Variants in FREM3 observed in about 807,000 individuals in gnomAD.
The protein encoded by FREM3 is FRAS1 related extracellular matrix 3.
FREM3 carries 105 observed loss-of-function variants against 129.1 expected under a neutral mutation model. That is an observed-to-expected ratio of 0.81 (90% CI 0.69 to 0.96). The LOEUF (loss-of-function observed/expected upper bound fraction) is 0.96, where lower values mean the gene tolerates loss of function less well. Ranked by LOEUF, FREM3 falls within the 40% of genes least tolerant of loss-of-function variation. FREM3 has a pLI of 0.00. For synonymous variants in FREM3, 1,014 were observed against 1,044.9 expected (o/e 0.97, Z 0.57); for missense variants, 2,593 against 2,666.3 (o/e 0.97, Z 0.61).
intron 6 of FREM3, among the ~76,000 whole-genome samples, chr4:143,607,005 A>G (rs1261699905): frequency 1.3e-5 from 2 of 152,118 alleles, no homozygotes; most frequent in Non-Finnish European, 2.9e-5. Context: ...TTTAGTCTCT[A>G]GGAAAACTCC....
chr4:143,578,760 A>G (rs1738083058), intron 7 of FREM3, among the ~76,000 whole-genome samples: 1 of 152,246 alleles, frequency 6.6e-6, no homozygotes, highest in Non-Finnish European at 1.5e-5. Context: ...TCTATATAGT[A>G]TAATAACTGG....
At chr4:143,693,087 C>T in intron 2 of FREM3, 26 bp downstream of exon 2, 4 of 1,220,952 alleles carry the variant, frequency 3.3e-6, no homozygotes, top group Non-Finnish European at 4.4e-6. Context: ...ACCATGAATC[C>T]TTTTGAAGGG....
chr4:143,611,436 C>T lies in FREM3; in HGVS notation c.5871G>A (p.Lys1957=). Reference sequence around the variant, plus strand: ...CCTGGCAGGTCTTCTGTGTCTCATTCTTGTCAAAGTGGAGGATGCTGGTGT... The same window carrying T: ...CCTGGCAGGTCTTCTGTGTCTCATTTTTGTCAAAGTGGAGGATGCTGGTGT... ...EDHTSILHFD[K]NETQKTCQVL... Residue 1957 remains lysine (K), a synonymous_variant, in exon 6 of 8, where the codon AAG becomes AAA. Transcript: ENST00000329798. The T allele has an allele frequency of 6.5e-7, 1 of 1,537,196 alleles. No homozygotes were observed. Among genetic ancestry groups the T allele is most frequent in the Non-Finnish European group, 8.7e-7 (1 of 1,146,850 alleles).
At chr4:143,650,270 A>G (rs984858633) in intron 2 of FREM3, among the ~76,000 whole-genome samples, 8 of 152,236 alleles carry the variant, frequency 5.3e-5, no homozygotes, top group Non-Finnish European at 1.2e-4. Context: ...GAAAACCAAT[A>G]GAAGGCACTG....
intron 2 of FREM3, among the ~76,000 whole-genome samples, chr4:143,629,986 A>C (rs575022245): frequency 2.6e-5 from 4 of 152,292 alleles, no homozygotes; most frequent in African/African-American, 9.6e-5. Flanking sequence ...AGAAGGGTTT[A>C]ACAATTAGAG....
rs561094377 is a variant in FREM3 at position 143,634,277 on chromosome 4, G to C, written c.5276-6517C>G. Among the ~76,000 whole-genome samples, 6 of 152,250 alleles carry C rather than the reference G, an allele frequency of 3.9e-5. No individual in the cohort carries two copies. In the South Asian group the frequency reaches 1.0e-3, roughly 26 times the overall value. On this transcript the variant is annotated intron_variant, in intron 2 of 7. Transcript: ENST00000329798. ...TAATTATTATGCAGGGAGTTTCTGA[G>C]AGAGAGGTTTAAAGTTGGGTTTCTG...
At chr4:143,662,849 G>T (rs956851079) in intron 2 of FREM3, among the ~76,000 whole-genome samples, 2 of 151,964 alleles carry the variant, frequency 1.3e-5, no homozygotes, top group East Asian at 1.9e-4. Flanking sequence ...GGCCTTCTTT[G>T]TCTCTTTTGA....
chr4:143,638,363 T>C (rs1402682956), intron 2 of FREM3, among the ~76,000 whole-genome samples: 1 of 152,070 alleles, frequency 6.6e-6, no homozygotes, highest in African/African-American at 2.4e-5. Flanking sequence ...TTTTTGGGAG[T>C]TGAGGCTCCA....
At chr4:143,626,902 T>C (rs576774896) in intron 3 of FREM3, among the ~76,000 whole-genome samples, 27 of 152,292 alleles carry the variant, frequency 1.8e-4, no homozygotes, top group African/African-American at 6.5e-4. Context: ...ATTTGTAAAA[T>C]GAAGACAATA....
At chr4:143,692,505 A>G (rs1288489694) in intron 2 of FREM3, among the ~76,000 whole-genome samples, 1 of 152,114 alleles carries the variant, frequency 6.6e-6, no homozygotes, top group African/African-American at 2.4e-5. Context: ...CTGACCACAT[A>G]ATCATTGAAT....
At chr4:143,684,438 C>T (rs1740317999) in intron 2 of FREM3, among the ~76,000 whole-genome samples, 1 of 152,180 alleles carries the variant, frequency 6.6e-6, no homozygotes, top group Non-Finnish European at 1.5e-5. Context: ...ACAGAAGCCA[C>T]ATCCATAGTA....
At chr4:143,667,940 TAAC>T (rs1026183329) in intron 2 of FREM3, among the ~76,000 whole-genome samples, 3 of 152,326 alleles carry the variant, frequency 2.0e-5, no homozygotes, top group Admixed American at 1.3e-4. Context: ...CTTATAAAAA[TAAC>T]AAATTCCACA....
At chr4:143,660,030 G>A (rs1410028518) in intron 2 of FREM3, among the ~76,000 whole-genome samples, 2 of 148,722 alleles carry the variant, frequency 1.3e-5, no homozygotes, top group Non-Finnish European at 3.0e-5. Flanking sequence ...CATTTTGTAG[G>A]TTGCCTGTTC....
intron 2 of FREM3, among the ~76,000 whole-genome samples, chr4:143,628,388 C>T (rs1739081857): frequency 6.6e-6 from 1 of 152,060 alleles, no homozygotes; most frequent in South Asian, 2.1e-4. Context: ...AAGATCAACC[C>T]AGCCCCTTAT....
intron 2 of FREM3, among the ~76,000 whole-genome samples, chr4:143,664,294 C>T (rs947097925): frequency 1.3e-5 from 2 of 152,124 alleles, no homozygotes; most frequent in African/African-American, 2.4e-5. Flanking sequence ...TGTTAGTTTT[C>T]CTTCTAACAG....
At chr4:143,664,150 G>A (rs947095929) in intron 2 of FREM3, among the ~76,000 whole-genome samples, 2 of 152,138 alleles carry the variant, frequency 1.3e-5, no homozygotes, top group Non-Finnish European at 2.9e-5. Context: ...CTTTGGAGGA[G>A]GAGAGGCGCT....
intron 5 of FREM3, among the ~76,000 whole-genome samples, chr4:143,618,248 A>G (rs1452930622): frequency 6.6e-6 from 1 of 152,040 alleles, no homozygotes; most frequent in Non-Finnish European, 1.5e-5. Context: ...AGATTCCCTT[A>G]TGTAATCCAA....
intron 3 of FREM3, among the ~76,000 whole-genome samples, chr4:143,625,710 C>G (rs915878679): frequency 6.6e-6 from 1 of 152,166 alleles, no homozygotes; most frequent in Non-Finnish European, 1.5e-5. Context: ...AACATTGTCT[C>G]TGTGTGAGGT....
chr4:143,645,859 C>T (rs1306911703), intron 2 of FREM3, among the ~76,000 whole-genome samples: 1 of 152,202 alleles, frequency 6.6e-6, no homozygotes. Context: ...ATCTGTGAAA[C>T]TTTGCTAGAT....
Sources: allele counts gnomAD v4.1 joint callset (sites outside exome capture counted in the v4.1 genomes callset), GRCh38; gene constraint gnomAD v4.1.1; transcripts MANE v1.5; gene names NCBI Gene and HGNC (gene_info 2026-07-23, HGNC 2026-07-21).